Variants in PPFIBP2 observed in about 807,000 individuals in gnomAD.
PPFIBP2 encodes PPFIB scaffold protein 2.
In PPFIBP2, 118 loss-of-function variants were observed where a neutral mutation model predicts 118.3. The observed-to-expected ratio is 1.00, with a 90% CI of 0.86 to 1.16. The LOEUF is 1.16. PPFIBP2 is among the 50% of genes most tolerant of loss of function. The pLI is 0.00. For missense variants in PPFIBP2, 1,195 were observed against 1,073.1 expected (o/e 1.11, Z -1.59); for synonymous variants, 414 against 397.4 (o/e 1.04, Z -0.50).
rs61890215 is a variant in PPFIBP2, at chr11:7,558,420, G to A, written c.65-7133G>A. Among the ~76,000 whole-genome samples the A allele has an allele frequency of 1.7e-3, 256 of 152,288 alleles. 7 individuals carry two copies. The highest frequency in any genetic ancestry group is 1.7e-3 in the Non-Finnish European group (117 of 68,024). ...AGAACAAAATATCTGAACAACCCCA[G>A]TCACTACCACAGACATCCCTATGTG... On this transcript the variant is annotated intron_variant, in intron 2 of 23. Transcript: ENST00000299492.
chr11:7,630,225 C>A (rs1850572827), intron 10 of PPFIBP2, among the ~76,000 whole-genome samples: 1 of 151,668 alleles, frequency 6.6e-6, no homozygotes, highest in African/African-American at 2.4e-5. Flanking sequence ...TGAGCTTCTG[C>A]TGCTTCTTGG....
chr11:7,628,355 G>C lies in PPFIBP2; in HGVS notation c.888+9G>C. On this transcript the variant is annotated intron_variant, in intron 9 of 23. Transcript: ENST00000299492. The stretch of plus-strand genomic sequence containing the variant: ...TTGCCAATGAAGATAAGGTAAGATG[G>C]TCATTGGGTAGCCCTGTCTTTTCCA... 6.2e-7 allele frequency: 1 copy of C among 1,612,926 alleles called. No homozygotes were observed. Among genetic ancestry groups the C allele is most frequent in the Non-Finnish European group, 8.5e-7 (1 of 1,179,168 alleles).
At chr11:7,552,515 T>C (rs1853107241) in intron 2 of PPFIBP2, among the ~76,000 whole-genome samples, 1 of 152,196 alleles carries the variant, frequency 6.6e-6, no homozygotes, top group Non-Finnish European at 1.5e-5. Flanking sequence ...TTCTGATTGC[T>C]CTCTGCATCT....
chr11:7,549,685 ATC>A (rs1165285810), intron 2 of PPFIBP2, 146 bp downstream of exon 2: 4 of 866,528 alleles, frequency 4.6e-6, no homozygotes, highest in African/African-American at 1.8e-5. Flanking sequence ...TGTGTATGTA[ATC>A]TCTTTTTTTT....
chr11:7,567,611 G>T (rs1388862126), intron 3 of PPFIBP2, among the ~76,000 whole-genome samples: 1 of 152,190 alleles, frequency 6.6e-6, no homozygotes, highest in African/African-American at 2.4e-5. Context: ...TTTTATTCTG[G>T]ACAGAGATAG....
intron 8 of PPFIBP2, 102 bp downstream of exon 8, chr11:7,625,993 G>A: frequency 1.0e-6 from 1 of 972,594 alleles, no homozygotes; most frequent in Non-Finnish European, 1.6e-6. Context: ...ATGTGCTTGT[G>A]TGTGTAGCCA....
At chr11:7,656,902 C>A (rs1854741156), downstream of PPFIBP2, 2 of 863,148 alleles carry the variant, frequency 2.3e-6, no homozygotes, top group African/African-American at 1.7e-5. Flanking sequence ...CCAGTCCGGG[C>A]TGGCAGGGTG....
intron 6 of PPFIBP2, among the ~76,000 whole-genome samples, chr11:7,613,405 C>T (rs183208685): frequency 2.0e-5 from 3 of 152,256 alleles, no homozygotes; most frequent in Non-Finnish European, 2.9e-5. Context: ...GACTTGCAGG[C>T]GCAGGTTCCT....
intron 1 of PPFIBP2, among the ~76,000 whole-genome samples, chr11:7,518,116 C>T (rs1204504024): frequency 6.6e-6 from 1 of 152,222 alleles, no homozygotes; most frequent in Non-Finnish European, 1.5e-5. Context: ...TGAAACTCTG[C>T]CTGTTTTTGC....
intron 1 of PPFIBP2, among the ~76,000 whole-genome samples, chr11:7,521,652 A>G (rs905562769): frequency 2.6e-5 from 4 of 152,208 alleles, no homozygotes; most frequent in African/African-American, 9.7e-5. Context: ...CTCTGTCCAT[A>G]TTCCTCCAAA....
intron 1 of PPFIBP2, among the ~76,000 whole-genome samples, chr11:7,522,639 G>A (rs1054582647): frequency 1.3e-5 from 2 of 152,126 alleles, no homozygotes; most frequent in Non-Finnish European, 2.9e-5. Context: ...CCAGGTTTGG[G>A]GTGAATTCAG....
At chr11:7,602,087 C>CAAAAAAAAAAAAAAA (rs201003988) in intron 5 of PPFIBP2, among the ~76,000 whole-genome samples, 6 of 56,180 alleles carry the variant, frequency 1.1e-4, no homozygotes, top group African/African-American at 2.6e-4. Context: ...GAATGAAACT[C>CAAAAAAAAAAAAAAA]AAAAAAAAAA....
At chr11:7,588,117 A>AT (rs1858544007) in intron 3 of PPFIBP2, among the ~76,000 whole-genome samples, 1 of 152,184 alleles carries the variant, frequency 6.6e-6, no homozygotes, top group African/African-American at 2.4e-5. Context: ...TTCTTTGAGT[A>AT]TGCCAGCAAC....
chr11:7,628,514 C>A (rs1439984854), intron 9 of PPFIBP2, among the ~76,000 whole-genome samples, 168 bp downstream of exon 9: 3 of 152,196 alleles, frequency 2.0e-5, no homozygotes, highest in African/African-American at 7.2e-5. Flanking sequence ...CCTCAGCCAC[C>A]TGTTTTTGGC....
At chr11:7,594,468 T>C (rs1297479060) in intron 4 of PPFIBP2, among the ~76,000 whole-genome samples, 1 of 152,386 alleles carries the variant, frequency 6.6e-6, no homozygotes, top group East Asian at 1.9e-4. Context: ...ATTCCCATTC[T>C]TGTGGATCTT....
At chr11:7,595,953 G>A (rs1860207427) in intron 4 of PPFIBP2, among the ~76,000 whole-genome samples, 1 of 149,696 alleles carries the variant, frequency 6.7e-6, no homozygotes, top group Non-Finnish European at 1.5e-5. Flanking sequence ...GCATCTATTA[G>A]GGTCTCAAAA....
intron 2 of PPFIBP2, among the ~76,000 whole-genome samples, chr11:7,559,744 A>T (rs1279062089): frequency 6.6e-6 from 1 of 151,998 alleles, no homozygotes; most frequent in Non-Finnish European, 1.5e-5. Context: ...CTCACTTTCA[A>T]CTTACTGCTT....
chr11:7,610,750 G>A (rs751598463), intron 6 of PPFIBP2, among the ~76,000 whole-genome samples: 7 of 152,144 alleles, frequency 4.6e-5, no homozygotes, highest in Non-Finnish European at 8.8e-5. Context: ...AGGAAATGAC[G>A]ACGTACCGGA....
chr11:7,637,288 T>TA lies in PPFIBP2; in HGVS notation c.1236+1696dup, dbSNP rs573972209. 9.3e-4 allele frequency among the ~76,000 whole-genome samples: 142 copies of TA among 152,334 alleles called. No homozygotes were observed. The Middle Eastern group carries it at 0.014, about 15-fold the overall frequency. ...GACTTGGAGTGTGATATTCTAGATG[T>TA]AGTCTGACCAGTGCCTGCCGTGGTC... On this transcript the variant is annotated intron_variant, in intron 14 of 23. Transcript: ENST00000299492.
Sources: allele counts gnomAD v4.1 joint callset (sites outside exome capture counted in the v4.1 genomes callset), GRCh38; gene constraint gnomAD v4.1.1; transcripts MANE v1.5; gene names NCBI Gene and HGNC (gene_info 2026-07-23, HGNC 2026-07-21).